The following TENM3 variants were observed in gnomAD, a reference collection of about 807,000 sequenced individuals.
TENM3 encodes teneurin transmembrane protein 3, also known as teneurin-3.
Under a neutral mutation model 255.1 loss-of-function variants are expected in TENM3, and 63 were observed. That is an observed-to-expected ratio of 0.25 (90% CI 0.20 to 0.30). The LOEUF is 0.30. Ranked by LOEUF, TENM3 falls within the 10% of genes least tolerant of loss-of-function variation. The probability of loss-of-function intolerance (pLI) is 1.00; values close to 1 mark genes in which losing one functional copy is unlikely to be tolerated. For synonymous variants in TENM3, 1,306 were observed against 1,322.3 expected (o/e 0.99, Z 0.27); for missense variants, 2,929 against 3,461.1 (o/e 0.85, Z 3.86).
the TENM3 span, among the ~76,000 whole-genome samples, chr4:181,454,873 T>C: frequency 0.59 from 88,833 of 151,440 alleles, 26,845 homozygotes; most frequent in African/African-American, 0.72. Context: ...ATATATGATA[T>C]GGTCAGATTA....
At chr4:182,255,663 A>G (rs1758342051) in intron 1 of TENM3, among the ~76,000 whole-genome samples, 1 of 152,184 alleles carries the variant, frequency 6.6e-6, no homozygotes, top group African/African-American at 2.4e-5. Flanking sequence ...GATGACCAAC[A>G]GCAGCCAGAG....
At chr4:182,755,572 C>T (rs574100985) in intron 22 of TENM3, among the ~76,000 whole-genome samples, 150 of 152,170 alleles carry the variant, frequency 9.9e-4, no homozygotes, top group African/African-American at 3.5e-3. Context: ...GGCGCAGTGG[C>T]TCACGCCTGT....
At chr4:181,456,375 C>T in the TENM3 span, among the ~76,000 whole-genome samples, 1 of 151,742 alleles carries the variant, frequency 6.6e-6, no homozygotes, top group Admixed American at 6.6e-5. Flanking sequence ...CCGATTTGTT[C>T]TGATGTTGAC....
At chr4:182,263,931 C>G (rs1377309142) in intron 1 of TENM3, among the ~76,000 whole-genome samples, 4 of 151,008 alleles carry the variant, frequency 2.6e-5, no homozygotes, top group Non-Finnish European at 5.9e-5. Flanking sequence ...CTGGCCAGAA[C>G]GAAAAAAAAA....
intron 1 of TENM3, among the ~76,000 whole-genome samples, chr4:182,244,444 C>T (rs1338424027): frequency 6.6e-6 from 1 of 152,180 alleles, no homozygotes; most frequent in East Asian, 1.9e-4. Flanking sequence ...TCTGATGAGG[C>T]TTTTATTGGA....
At chr4:182,619,911 G>A (rs1014074457) in intron 4 of TENM3, among the ~76,000 whole-genome samples, 4 of 152,218 alleles carry the variant, frequency 2.6e-5, no homozygotes, top group African/African-American at 9.6e-5. Context: ...TTAAAAAGAA[G>A]CCGCCGCGGC....
chr4:181,684,456 T>C, the TENM3 span, among the ~76,000 whole-genome samples: 1 of 152,174 alleles, frequency 6.6e-6, no homozygotes, highest in African/African-American at 2.4e-5. Context: ...AAATCATCTC[T>C]TGAGAATATG....
chr4:181,952,625 C>G, the TENM3 span, among the ~76,000 whole-genome samples: 2 of 152,364 alleles, frequency 1.3e-5, no homozygotes, highest in Admixed American at 6.5e-5. Context: ...TATAATGACT[C>G]AGACAGACTT....
At chr4:181,750,723 T>C in the TENM3 span, among the ~76,000 whole-genome samples, 3 of 152,190 alleles carry the variant, frequency 2.0e-5, no homozygotes, top group Non-Finnish European at 4.4e-5. Context: ...TCTCTTATGC[T>C]TATCTGAGAT....
At chr4:182,033,489 C>T in the TENM3 span, among the ~76,000 whole-genome samples, 2 of 152,020 alleles carry the variant, frequency 1.3e-5, no homozygotes, top group Non-Finnish European at 2.9e-5. Context: ...TGTCATTTGG[C>T]ACTGAGGAGA....
At chr4:181,927,235 C>T in the TENM3 span, among the ~76,000 whole-genome samples, 1 of 152,222 alleles carries the variant, frequency 6.6e-6, no homozygotes, top group Middle Eastern at 3.2e-3. Context: ...CCCAGCGGAT[C>T]CCACCCTCAC....
At chr4:181,777,761 T>TA in the TENM3 span, among the ~76,000 whole-genome samples, 3 of 152,134 alleles carry the variant, frequency 2.0e-5, no homozygotes, top group African/African-American at 4.8e-5. Flanking sequence ...ATGTCACACT[T>TA]ATGTCTATAA....
the TENM3 span, among the ~76,000 whole-genome samples, chr4:181,588,822 A>T: frequency 6.6e-6 from 1 of 152,204 alleles, no homozygotes; most frequent in Non-Finnish European, 1.5e-5. Context: ...TATTCAGTAG[A>T]CCATATCCTG....
chr4:182,609,182 C>G (rs1052408832), intron 4 of TENM3, among the ~76,000 whole-genome samples: 3 of 152,290 alleles, frequency 2.0e-5, no homozygotes, highest in Non-Finnish European at 4.4e-5. Context: ...TTTGTAGAGA[C>G]TGGGTCTGCT....
At chr4:182,606,887 A>G (rs1748492264) in intron 4 of TENM3, among the ~76,000 whole-genome samples, 1 of 152,224 alleles carries the variant, frequency 6.6e-6, no homozygotes, top group African/African-American at 2.4e-5. Context: ...GTATTGATAT[A>G]TATTCTAATT....
chr4:182,352,055 C>G (rs1765217701), intron 3 of TENM3, among the ~76,000 whole-genome samples: 1 of 152,106 alleles, frequency 6.6e-6, no homozygotes, highest in African/African-American at 2.4e-5. Context: ...CTAGTTTGGA[C>G]TAGGTAGATA....
the TENM3 span, among the ~76,000 whole-genome samples, chr4:181,913,899 A>G: frequency 6.6e-6 from 1 of 152,196 alleles, no homozygotes; most frequent in Admixed American, 6.5e-5. Flanking sequence ...ATAGGATGTG[A>G]TTGGTGCTAT....
chr4:182,381,198 A>AG lies in TENM3; in HGVS notation c.511+34274dup, dbSNP rs1767538703. 3.3e-5 allele frequency among the ~76,000 whole-genome samples: 5 copies of AG among 152,352 alleles called. No individual in the cohort carries two copies. In the South Asian group the frequency reaches 1.0e-3, roughly 32 times the overall value. On this transcript the variant is annotated intron_variant, in intron 3 of 27. Transcript: ENST00000511685. Reference sequence around the variant, plus strand: ...AGAATTGGTCTGGGGATCCCCCGACAGGGGGAAGTCACAGAAATTAGAGAC... The same window carrying AG: ...AGAATTGGTCTGGGGATCCCCCGACAGGGGGGAAGTCACAGAAATTAGAGAC...
intron 1 of TENM3, among the ~76,000 whole-genome samples, chr4:182,184,808 C>T (rs755861774): frequency 1.1e-4 from 16 of 151,912 alleles, no homozygotes; most frequent in African/African-American, 7.3e-5. Context: ...CTATTTTGGC[C>T]GGGCGTGGTG....
Sources: gnomAD v4.1 joint callset for allele counts (sites outside exome capture counted in the v4.1 genomes callset) on GRCh38, gnomAD v4.1.1 for gene constraint, MANE v1.5 for transcripts, NCBI Gene and HGNC (gene_info 2026-07-23, HGNC 2026-07-21) for gene names.